The following CNGA4 variants were observed in gnomAD, a reference collection of about 807,000 sequenced individuals.
CNGA4 encodes cyclic nucleotide-gated channel alpha-4.
A neutral mutation model predicts 45.6 loss-of-function variants in CNGA4; 32 were observed. That is an observed-to-expected ratio of 0.70 (90% CI 0.53 to 0.94). The LOEUF (loss-of-function observed/expected upper bound fraction) is 0.94. Ranked by LOEUF, CNGA4 falls within the 40% of genes least tolerant of loss-of-function variation. The pLI is 0.00. For missense variants in CNGA4, 726 were observed against 755.1 expected (o/e 0.96, Z 0.45); for synonymous variants, 293 against 304.6 (o/e 0.96, Z 0.40).
chr11:6,239,044 T>C, upstream of CNGA4: 1 of 1,485,798 alleles, frequency 6.7e-7, no homozygotes, highest in East Asian at 2.4e-5. Flanking sequence ...TCAGTAGCGC[T>C]AGCTCTGGTT....
upstream of CNGA4, among the ~76,000 whole-genome samples, chr11:6,238,197 G>A (rs1014460543): frequency 6.6e-6 from 1 of 152,196 alleles, no homozygotes; most frequent in African/African-American, 2.4e-5. Flanking sequence ...AATGACTGCT[G>A]CTGTTTAGTT....
Position 6,240,224 on chromosome 11 carries a change from T to C in CNGA4, c.430T>C (p.Phe144Leu). Residue 144 changes from phenylalanine to leucine, a missense_variant, in exon 4 of 6, where the codon TTT becomes CTT. Physicochemically the swap from Phe to Leu is conservative, Grantham distance 22 (BLOSUM62 0). Coordinates refer to ENST00000379936, the MANE Select transcript of CNGA4 (RefSeq NM_001037329.4). This position sits in a 1 kb window ranked among gnomAD's most constrained non-coding sequence, Gnocchi z 4.9. ...PHTPTLRLNR[F>L]LRAPRLFEAF... ...CACACCCACCCTGAGGCTGAACCGC[T>C]TTCTCCGCGCGCCCCGCCTCTTCGA... 1 of 1,614,232 alleles carries C rather than the reference T, an allele frequency of 6.2e-7. No individual in the cohort carries two copies. Among genetic ancestry groups the C allele is most frequent in the South Asian group, 1.1e-5 (1 of 91,086 alleles).
At chr11:6,241,889 G>A (rs1325266556) in intron 5 of CNGA4, 109 bp downstream of exon 5, 2 of 978,510 alleles carry the variant, frequency 2.0e-6, no homozygotes, top group Admixed American at 4.3e-5. Flanking sequence ...TTCTGATTGA[G>A]GAAACCTGGC....
chr11:6,236,994 T>C (rs1847847072), upstream of CNGA4, among the ~76,000 whole-genome samples: 1 of 152,220 alleles, frequency 6.6e-6, no homozygotes, highest in Admixed American at 6.5e-5. Context: ...ATCTAATTCC[T>C]GGGCTGGGAT....
rs200166545 is a variant in CNGA4, at chr11:6,239,389, T to C, written c.68T>C (p.Leu23Ser). The change falls in exon 2 of 6, where the codon TTG becomes TCG. Residue 23 changes from leucine (L) to serine (S), a missense_variant. Leu to Ser is a moderately radical substitution (Grantham distance 145). Coordinates refer to ENST00000379936, the MANE Select transcript of CNGA4 (RefSeq NM_001037329.4). ...SPPAPSKARKLLPVLDPSGDY... is the reference protein window; with the variant it reads ...SPPAPSKARKSLPVLDPSGDY... ...CAAGACTTTCTTTCTTACAGGAAGT[T>C]GCTGCCTGTCCTGGACCCATCTGGG... is the stretch of plus-strand genomic sequence containing the variant. 1 of 1,614,110 alleles carries C rather than the reference T, an allele frequency of 6.2e-7. No individual in the cohort carries two copies. The highest frequency in any genetic ancestry group is 1.3e-5 in the African/African-American group (1 of 75,062).
upstream of CNGA4, among the ~76,000 whole-genome samples, chr11:6,237,041 C>G (rs752988292): frequency 1.3e-5 from 2 of 152,152 alleles, no homozygotes; most frequent in Non-Finnish European, 2.9e-5. Flanking sequence ...AACTGTCAAA[C>G]AGAACTTCTC....
rs1245549226 is a variant in CNGA4 at position 6,241,925 on chromosome 11, A to G, written c.1267+145A>G. Reference sequence around the variant, plus strand: ...CCTTCTCTGAGTCACTAGATGGCTCAGGAGAAAAACAACACATAGAGGATC... The same window carrying G: ...CCTTCTCTGAGTCACTAGATGGCTCGGGAGAAAAACAACACATAGAGGATC... On this transcript the variant is annotated intron_variant, in intron 5 of 5. Transcript: ENST00000379936. 5 of 691,268 alleles carry G rather than the reference A, an allele frequency of 7.2e-6. No individual in the cohort carries two copies. In the Admixed American group the frequency reaches 1.4e-4, roughly 19 times the overall value. 42.8% of individuals were successfully genotyped at this position (691,268 alleles called of 1,614,324 possible). A position where few individuals can be genotyped will look rare whatever the true frequency, so the allele number is the denominator to read the frequency against.
At chr11:6,243,324 G>A (rs1424302272) in intron 5 of CNGA4, among the ~76,000 whole-genome samples, 1 of 152,234 alleles carries the variant, frequency 6.6e-6, no homozygotes, top group Non-Finnish European at 1.5e-5. Context: ...TCAGCTTCTA[G>A]GGAGGCTTCA....
rs1847899337 is a variant in CNGA4, at chr11:6,240,431, C to T, written c.637C>T (p.Arg213Cys). 6.2e-7 allele frequency: 1 copy of T among 1,614,224 alleles called. No homozygotes were observed. Among genetic ancestry groups the T allele is most frequent in the East Asian group, 2.2e-5 (1 of 44,884 alleles). Reference protein sequence around the residue: ...YPDPAQPGFERLRRQYLYSFY... With the variant: ...YPDPAQPGFECLRRQYLYSFY... ...GGACCCCGCGCAGCCTGGCTTTGAG[C>T]GCCTGCGGCGCCAGTACCTCTATAG... Residue 213 changes from arginine (R) to cysteine (C), a missense_variant, in exon 4 of 6, where the codon CGC becomes TGC. Transcript: ENST00000379936. This position sits in a 1 kb window ranked among gnomAD's most constrained non-coding sequence, Gnocchi z 4.9.
intron 4 of CNGA4, among the ~76,000 whole-genome samples, chr11:6,241,031 A>G (rs76267023): frequency 0.018 from 2,803 of 152,268 alleles, 34 homozygotes; most frequent in Middle Eastern, 0.048. Context: ...AAGAAGGGCA[A>G]TCCCCCCTGA....
upstream of CNGA4, chr11:6,239,077 CAAAG>C (rs996962889): frequency 4.5e-6 from 7 of 1,553,328 alleles, no homozygotes; most frequent in African/African-American, 9.6e-5. Flanking sequence ...GCCCCAAAGA[CAAAG>C]AAGTCACAGC....
chr11:6,237,911 G>T (rs1847858466), upstream of CNGA4, among the ~76,000 whole-genome samples: 1 of 152,162 alleles, frequency 6.6e-6, no homozygotes, highest in Non-Finnish European at 1.5e-5. Flanking sequence ...AACTCCTCCT[G>T]AGCTGGCCTC....
upstream of CNGA4, chr11:6,239,042 G>A: frequency 7.4e-6 from 11 of 1,480,210 alleles, no homozygotes; most frequent in Middle Eastern, 2.5e-4. Flanking sequence ...CTTCAGTAGC[G>A]CTAGCTCTGG....
At chr11:6,235,635 A>G (rs960481218), upstream of CNGA4, 1 of 815,942 alleles carries the variant, frequency 1.2e-6, no homozygotes, top group African/African-American at 1.9e-5. Flanking sequence ...CAGATAAGGC[A>G]TGTAGTTTTA....
intron 5 of CNGA4, among the ~76,000 whole-genome samples, chr11:6,243,113 C>G (rs1218097285): frequency 6.6e-6 from 1 of 152,204 alleles, no homozygotes; most frequent in African/African-American, 2.4e-5. Flanking sequence ...CCCTCTGTTC[C>G]TGCTCCTTCC....
chr11:6,236,383 C>G (rs935205184), upstream of CNGA4, among the ~76,000 whole-genome samples: 1 of 152,120 alleles, frequency 6.6e-6, no homozygotes, highest in African/African-American at 2.4e-5. Flanking sequence ...TATACAGTAA[C>G]TTTGCAAAAG....
In CNGA4 at chr11:6,241,557, C is replaced by A. The variant is rs1376829943; in HGVS notation, c.1044C>A (p.Ile348=). The A allele has an allele frequency of 6.2e-7, 1 of 1,614,228 alleles. No individual in the cohort carries two copies. Among genetic ancestry groups the A allele is most frequent in the East Asian group, 2.2e-5 (1 of 44,888 alleles). ...VHLSTLSRVQ[I]FQNCEASLLE... ...TGTCCACTCTGAGCCGGGTGCAGATCTTTCAGAACTGTGAGGCCAGCCTGC... is the reference window on the plus strand; with the variant it reads ...TGTCCACTCTGAGCCGGGTGCAGATATTTCAGAACTGTGAGGCCAGCCTGC... The change falls in exon 5 of 6, where the codon ATC becomes ATA. Residue 348 remains isoleucine, a synonymous_variant. Coordinates refer to ENST00000379936, the MANE Select transcript of CNGA4 (RefSeq NM_001037329.4).
upstream of CNGA4, among the ~76,000 whole-genome samples, chr11:6,236,540 T>A (rs951520682): frequency 3.9e-4 from 60 of 152,132 alleles, no homozygotes; most frequent in African/African-American, 1.4e-3. Flanking sequence ...TAATGCTTAG[T>A]TTATATAAAT....
At position 6,240,076 on chromosome 11, in the gene CNGA4, ACAGGG is replaced by A. The variant is rs763329186; in HGVS notation, c.285_289del (p.Gln95HisfsTer8). 6.2e-7 allele frequency: 1 copy of A among 1,607,372 alleles called. No individual in the cohort carries two copies. The highest frequency in any genetic ancestry group is 8.5e-7 in the Non-Finnish European group (1 of 1,176,362). On this transcript the variant is annotated frameshift_variant, in exon 4 of 6. Coordinates refer to ENST00000379936, the MANE Select transcript of CNGA4 (RefSeq NM_001037329.4). LOFTEE classifies it high-confidence loss of function. This position sits in a 1 kb window ranked among gnomAD's most constrained non-coding sequence, Gnocchi z 4.9. ...GCTCCCTCTCCCCAGGATTCTTGGAACAGGGCATCCTGGTGGTGGACAAGGGTAGG... is the reference window on the plus strand; with the variant it reads ...GCTCCCTCTCCCCAGGATTCTTGGAACATCCTGGTGGTGGACAAGGGTAGG...
Sources: gnomAD v4.1 joint callset for allele counts (sites outside exome capture counted in the v4.1 genomes callset) on GRCh38, gnomAD v4.1.1 for gene constraint, Gnocchi (gnomAD v3.1) non-coding constraint, MANE v1.5 for transcripts, NCBI Gene and HGNC (gene_info 2026-07-23, HGNC 2026-07-21) for gene names.